HLF: variants seen among roughly 807,000 people sequenced by gnomAD.
HLF encodes the protein hepatic leukemia factor.
A neutral mutation model predicts 22.6 loss-of-function variants in HLF; 3 were observed. The ratio of observed to expected loss-of-function variants is 0.13; its 90% confidence interval spans 0.06 to 0.34. HLF has a LOEUF of 0.34. HLF is among the 10% of genes least tolerant of loss of function. The pLI is 1.00. For synonymous variants in HLF, 151 were observed against 151.8 expected, an observed-to-expected ratio of 0.99 and a Z score of 0.04; for missense variants, 299 against 389.2, an observed-to-expected ratio of 0.77 and a Z score of 1.95.
At chr17:55,295,485 A>G (rs2081103851) in intron 2 of HLF, among the ~76,000 whole-genome samples, 1 of 152,246 alleles carries the variant, frequency 6.6e-6, no homozygotes. Flanking sequence ...AGATAAGGAG[A>G]ACTTTGCCGC....
At chr17:55,293,702 A>G (rs1345326817) in intron 2 of HLF, among the ~76,000 whole-genome samples, 4 of 152,204 alleles carry the variant, frequency 2.6e-5, no homozygotes, top group African/African-American at 7.2e-5. Flanking sequence ...AATAGGTGGC[A>G]GGGCTGGAAC....
intron 2 of HLF, among the ~76,000 whole-genome samples, chr17:55,286,726 G>A (rs138326135): frequency 5.1e-4 from 78 of 152,186 alleles, no homozygotes; most frequent in Non-Finnish European, 9.4e-4. Context: ...ATTTCCCAGC[G>A]CCAAGCCTTA....
chr17:55,298,935 G>T lies in HLF; in HGVS notation c.452-16292G>T, dbSNP rs1048426255. ...TAGATAGCTATAAACTATATAGGCT[G>T]CTCTGTGGTCTTTCCTTTCCCTCTG... On this transcript the variant is annotated intron_variant, in intron 2 of 3. Coordinates refer to ENST00000226067, the MANE Select transcript of HLF (RefSeq NM_002126.5). Among the ~76,000 whole-genome samples the T allele has an allele frequency of 5.9e-5, 9 of 152,200 alleles. 1 individual carries two copies. The highest frequency in any genetic ancestry group is 2.0e-4 in the Admixed American group (3 of 15,282).
chr17:55,274,121 G>C (rs1417721332), intron 2 of HLF, among the ~76,000 whole-genome samples: 2 of 151,258 alleles, frequency 1.3e-5, no homozygotes, highest in Admixed American at 1.3e-4. Context: ...GGTGGGGGAG[G>C]TGGGAAGAAA....
chr17:55,289,701 A>T (rs918233659), intron 2 of HLF, among the ~76,000 whole-genome samples: 2 of 152,240 alleles, frequency 1.3e-5, no homozygotes, highest in African/African-American at 4.8e-5. Flanking sequence ...CAGTTGCCAT[A>T]TATTCATATA....
At position 55,324,891 on chromosome 17, in the gene HLF, T is replaced by A. The variant is rs1157866765; in HGVS notation, c.*4012T>A. On this transcript the variant is annotated 3_prime_UTR_variant, in exon 4 of 4. Coordinates refer to ENST00000226067, the MANE Select transcript of HLF (RefSeq NM_002126.5). ...TTGAGCACCTTACCAAACATAACAA[T>A]AATCCATTATCCTTTTGGCAACACC... 8.6e-6 allele frequency: 2 copies of A among 232,256 alleles called. No individual in the cohort carries two copies. Among genetic ancestry groups the A allele is most frequent in the African/African-American group, 4.4e-5 (2 of 45,222 alleles). The allele number at this position is 232,256 out of a possible 1,614,324, so 14.4% of individuals were successfully genotyped here.
At chr17:55,287,659 C>T (rs1371326821) in intron 2 of HLF, among the ~76,000 whole-genome samples, 1 of 152,216 alleles carries the variant, frequency 6.6e-6, no homozygotes, top group Non-Finnish European at 1.5e-5. Flanking sequence ...TGTGTTTGGC[C>T]TATCCTCATA....
At chr17:55,293,487 A>G (rs2081085031) in intron 2 of HLF, among the ~76,000 whole-genome samples, 1 of 152,224 alleles carries the variant, frequency 6.6e-6, no homozygotes, top group African/African-American at 2.4e-5. Context: ...ATGGGTAGAA[A>G]AGGAATGTTG....
chr17:55,302,534 C>G (rs1478339232), intron 2 of HLF, among the ~76,000 whole-genome samples: 1 of 152,034 alleles, frequency 6.6e-6, no homozygotes, highest in Non-Finnish European at 1.5e-5. Flanking sequence ...AAGGGTGTCA[C>G]CGGGGGAGCA....
Position 55,320,867 on chromosome 17 carries a change from C to T in HLF, c.876C>T (p.His292=), listed in dbSNP as rs368484087. The T allele has an allele frequency of 5.2e-5, 83 of 1,611,468 alleles. 1 individual carries two copies. In the South Asian group the frequency reaches 7.3e-4, roughly 14 times the overall value. ...TACTTGCCAAGTATGAGGCCAGGCA[C>T]GGGCCCCTGTAGGATGGCATTTTTG... The part of the protein sequence containing the change: ...KNILAKYEAR[H]GPL The change falls in exon 4 of 4, where the codon CAC becomes CAT. Residue 292 remains histidine, a synonymous_variant. Coordinates refer to ENST00000226067, the MANE Select transcript of HLF (RefSeq NM_002126.5). The surrounding 1 kb of genome is among the most constrained non-coding windows in gnomAD (Gnocchi z 4.2).
chr17:55,303,812 A>G (rs1458041467), intron 2 of HLF, among the ~76,000 whole-genome samples: 1 of 152,164 alleles, frequency 6.6e-6, no homozygotes, highest in African/African-American at 2.4e-5. Flanking sequence ...CGTGTGGCGG[A>G]AGTTCTGGCT....
intron 2 of HLF, among the ~76,000 whole-genome samples, chr17:55,303,906 A>G (rs1474839366): frequency 3.3e-5 from 5 of 152,148 alleles, no homozygotes; most frequent in African/African-American, 1.2e-4. Context: ...TCTTTCCAGT[A>G]GAGGGAGTTT....
chr17:55,309,331 A>T (rs1445138603), intron 2 of HLF, among the ~76,000 whole-genome samples: 1 of 152,174 alleles, frequency 6.6e-6, no homozygotes, highest in Non-Finnish European at 1.5e-5. Flanking sequence ...ATATATCGTG[A>T]GCACTCTTCG....
At chr17:55,294,622 G>A (rs1157773864) in intron 2 of HLF, among the ~76,000 whole-genome samples, 1 of 152,226 alleles carries the variant, frequency 6.6e-6, no homozygotes, top group Non-Finnish European at 1.5e-5. Context: ...AGATCTCCAT[G>A]TGGGGATGTG....
At chr17:55,308,281 G>C (rs2145360986) in intron 2 of HLF, among the ~76,000 whole-genome samples, 1 of 152,284 alleles carries the variant, frequency 6.6e-6, no homozygotes, top group African/African-American at 2.4e-5. Context: ...GGAATAGTCT[G>C]TTTATTTGAT....
chr17:55,290,620 C>T (rs997931029), intron 2 of HLF, among the ~76,000 whole-genome samples: 1 of 152,126 alleles, frequency 6.6e-6, no homozygotes, highest in African/African-American at 2.4e-5. Flanking sequence ...CCTTGGGATT[C>T]CTGTTCCCTG....
At chr17:55,292,488 G>A (rs2081072786) in intron 2 of HLF, among the ~76,000 whole-genome samples, 2 of 152,122 alleles carry the variant, frequency 1.3e-5, no homozygotes, top group South Asian at 4.1e-4. Flanking sequence ...TAGTCATAAT[G>A]GTATTACACA....
At chr17:55,290,843 C>A (rs1209820773) in intron 2 of HLF, among the ~76,000 whole-genome samples, 1 of 152,172 alleles carries the variant, frequency 6.6e-6, no homozygotes, top group Non-Finnish European at 1.5e-5. Context: ...AGGAAAAGTT[C>A]TTGAAGGAAA....
At chr17:55,285,915 A>G (rs996990393) in intron 2 of HLF, among the ~76,000 whole-genome samples, 5 of 152,184 alleles carry the variant, frequency 3.3e-5, no homozygotes, top group African/African-American at 1.2e-4. Context: ...CGCGGTGCCC[A>G]GGTACTGAGG....
Sources: allele counts gnomAD v4.1 joint callset (sites outside exome capture counted in the v4.1 genomes callset), GRCh38; gene constraint gnomAD v4.1.1; non-coding constraint Gnocchi (gnomAD v3.1); transcripts MANE v1.5; gene names NCBI Gene and HGNC (gene_info 2026-07-23, HGNC 2026-07-21).